Variants in ANKRD36C observed in about 807,000 individuals in gnomAD.
ANKRD36C encodes ankyrin repeat domain 36C, also known as ankyrin repeat domain-containing protein 36C.
Under a neutral mutation model 276.4 loss-of-function variants are expected in ANKRD36C, and 61 were observed. The observed-to-expected ratio is 0.22, with a 90% CI of 0.18 to 0.27. The LOEUF is 0.27. ANKRD36C is among the 10% of genes least tolerant of loss of function. The pLI, the probability that ANKRD36C is intolerant of heterozygous loss-of-function variation, is 1.00. For missense variants in ANKRD36C, 1,447 were observed against 2,032.3 expected (o/e 0.71, Z 5.54); for synonymous variants, 483 against 680.1 (o/e 0.71, Z 4.51).
At chr2:95,963,936 C>CATATATAAATATATATATATAAATATAT (rs1165340992) in intron 6 of ANKRD36C, among the ~76,000 whole-genome samples, 15 of 105,330 alleles carry the variant, frequency 1.4e-4, no homozygotes, top group African/African-American at 4.7e-4. Context: ...CAAATATATA[C>CATATATAAATATATATATATAAATATAT]ATATATAAAT....
intron 59 of ANKRD36C, among the ~76,000 whole-genome samples, chr2:95,874,106 A>C (rs1227758537): frequency 6.6e-6 from 1 of 152,098 alleles, no homozygotes; most frequent in Non-Finnish European, 1.5e-5. Flanking sequence ...ATACTGCCCA[A>C]GGTAATTTAT....
rs555554932 is a variant in ANKRD36C, at chr2:95,981,851, G to C, written c.593+405C>G. 5.2e-4 allele frequency among the ~76,000 whole-genome samples: 79 copies of C among 152,060 alleles called. 1 individual carries two copies. In the South Asian group the frequency reaches 0.016, roughly 31 times the overall value. On this transcript the variant is annotated intron_variant, in intron 4 of 66. Transcript: ENST00000456556. ...CTCCCCCTCCCCATATCAATTAAAAGCAACATCAAAACACAGTAGAAATGA... is the reference window on the plus strand; with the variant it reads ...CTCCCCCTCCCCATATCAATTAAAACCAACATCAAAACACAGTAGAAATGA...
chr2:95,859,709 A>G (rs910415854), intron 61 of ANKRD36C, among the ~76,000 whole-genome samples, 152 bp downstream of exon 81: 1 of 152,198 alleles, frequency 6.6e-6, no homozygotes, highest in African/African-American at 2.4e-5. Flanking sequence ...AGAACTTGTG[A>G]TATTATATCC....
At chr2:95,963,157 T>C (rs543592092) in intron 6 of ANKRD36C, among the ~76,000 whole-genome samples, 1 of 152,024 alleles carries the variant, frequency 6.6e-6, no homozygotes, top group Non-Finnish European at 1.5e-5. Flanking sequence ...ATTGCCCAAG[T>C]TTCTTGTGTT....
chr2:95,874,393 A>T (rs1675891491), intron 59 of ANKRD36C, among the ~76,000 whole-genome samples: 1 of 152,204 alleles, frequency 6.6e-6, no homozygotes, highest in Admixed American at 6.5e-5. Flanking sequence ...CAACTATCTG[A>T]TCTTTGACAA....
At chr2:95,878,385 T>G (rs1357146394) in intron 58 of ANKRD36C, among the ~76,000 whole-genome samples, 1 of 152,172 alleles carries the variant, frequency 6.6e-6, no homozygotes, top group Admixed American at 6.5e-5. Context: ...TGATATACCA[T>G]GCTAATCTCT....
chr2:95,897,527 T>A (rs1573750059), intron 44 of ANKRD36C, 62 bp from the exon 59 acceptor site: 1 of 1,511,866 alleles, frequency 6.6e-7, no homozygotes, highest in East Asian at 2.5e-5. Flanking sequence ...ATCCACATAT[T>A]CATGCAGTGT....
chr2:95,890,097 T>G, intron 46 of ANKRD36C, 103 bp from the exon 67 acceptor site: 1 of 1,435,842 alleles, frequency 7.0e-7, no homozygotes, highest in South Asian at 1.2e-5. Context: ...CTGCCTGTAT[T>G]AGTGTAGGCT....
At chr2:95,951,145 C>T (rs1409971586) in intron 15 of ANKRD36C, among the ~76,000 whole-genome samples, 1 of 81,178 alleles carries the variant, frequency 1.2e-5, no homozygotes, top group Non-Finnish European at 2.7e-5. Context: ...TGGTGGTGCA[C>T]GCCTGTAATC....
chr2:95,923,625 G>T (rs1677332914), intron 31 of ANKRD36C, 36 bp downstream of exon 31: 13 of 1,608,942 alleles, frequency 8.1e-6, no homozygotes, highest in Non-Finnish European at 1.1e-5. Context: ...GGACTATACA[G>T]TTACTAATAC....
At chr2:95,891,706 T>C (rs1676365817) in exon 46 of ANKRD36C, 2 of 1,579,994 alleles carry the variant, frequency 1.3e-6, no homozygotes, top group Non-Finnish European at 1.7e-6. Context: ...TCTGGCTATA[T>C]TCAAAACAGA....
chr2:95,884,782 A>C (rs1676164025), intron 52 of ANKRD36C, among the ~76,000 whole-genome samples: 1 of 151,880 alleles, frequency 6.6e-6, no homozygotes. Context: ...TATACTACAG[A>C]CATTCATCAT....
chr2:95,964,051 T>G (rs1678536337), intron 6 of ANKRD36C, among the ~76,000 whole-genome samples: 1 of 135,082 alleles, frequency 7.4e-6, no homozygotes, highest in South Asian at 2.3e-4. Context: ...ATATTGGTAG[T>G]TTTTTTTAGT....
intron 4 of ANKRD36C, among the ~76,000 whole-genome samples, chr2:95,981,420 T>C (rs1287716835): frequency 1.4e-5 from 2 of 147,884 alleles, no homozygotes; most frequent in Non-Finnish European, 3.0e-5. Context: ...ATCTATAAAA[T>C]ATATAATATA....
chr2:95,862,240 C>T (rs1675603558), intron 60 of ANKRD36C, among the ~76,000 whole-genome samples: 1 of 151,878 alleles, frequency 6.6e-6, no homozygotes, highest in African/African-American at 2.4e-5. Context: ...TTCCAAGTAC[C>T]CACGGAACAC....
intron 42 of ANKRD36C, among the ~76,000 whole-genome samples, chr2:95,910,771 C>G (rs1245709756): frequency 2.0e-5 from 3 of 151,364 alleles, no homozygotes; most frequent in South Asian, 4.1e-4. Context: ...TATACCCTTA[C>G]AATTTCAAAC....
intron 3 of ANKRD36C, among the ~76,000 whole-genome samples, chr2:95,983,082 C>T (rs1249351581): frequency 6.6e-6 from 1 of 151,388 alleles, no homozygotes; most frequent in African/African-American, 2.4e-5. Context: ...GCCTCATTCT[C>T]TTCTATCGAT....
At chr2:95,982,162 C>T in intron 4 of ANKRD36C, 94 bp downstream of exon 4, 1 of 935,918 alleles carries the variant, frequency 1.1e-6, no homozygotes, top group South Asian at 1.8e-5. Context: ...AGTTAGTCTT[C>T]TTATTAATGT....
chr2:95,980,653 G>A (rs762046479), exon 5 of ANKRD36C: 1 of 1,612,032 alleles, frequency 6.2e-7, no homozygotes, highest in Non-Finnish European at 8.5e-7. Context: ...CTTACACTCT[G>A]TTCTTAGCCT....
Sources: gnomAD v4.1 joint callset for allele counts (sites outside exome capture counted in the v4.1 genomes callset) on GRCh38, gnomAD v4.1.1 for gene constraint, MANE v1.5 for transcripts, NCBI Gene and HGNC (gene_info 2026-07-23, HGNC 2026-07-21) for gene names.